The following CCDC91 variants were observed in gnomAD, a reference collection of about 807,000 sequenced individuals.
The protein encoded by CCDC91 is coiled-coil domain-containing protein 91.
Under a neutral mutation model 63.2 loss-of-function variants are expected in CCDC91, and 48 were observed. The ratio of observed to expected loss-of-function variants is 0.76; its 90% confidence interval spans 0.60 to 0.97. The LOEUF (loss-of-function observed/expected upper bound fraction) is 0.97. CCDC91 is among the 50% of genes least tolerant of loss of function. The pLI, the probability that CCDC91 is intolerant of heterozygous loss-of-function variation, is 0.00. For missense variants in CCDC91, 500 were observed against 494.6 expected (o/e 1.01, Z -0.10); for synonymous variants, 167 against 165.8 (o/e 1.01, Z -0.06).
intron 6 of CCDC91, among the ~76,000 whole-genome samples, chr12:28,346,460 T>A (rs1942816688): frequency 6.6e-6 from 1 of 152,194 alleles, no homozygotes; most frequent in African/African-American, 2.4e-5. Context: ...AAGTATAAAA[T>A]AGTGCTGGAG....
chr12:28,534,149 TG>T (rs1399246033), intron 12 of CCDC91, among the ~76,000 whole-genome samples: 1 of 152,218 alleles, frequency 6.6e-6, no homozygotes, highest in African/African-American at 2.4e-5. Context: ...GTTCTAACTA[TG>T]GTTATGCTAC....
chr12:28,538,119 G>GTT (rs34667403), intron 12 of CCDC91, among the ~76,000 whole-genome samples: 4 of 147,730 alleles, frequency 2.7e-5, no homozygotes, highest in Non-Finnish European at 4.5e-5. Context: ...TATTTTTAGG[G>GTT]TTTTTTTTTA....
chr12:28,492,301 C>A (rs1952056346), intron 12 of CCDC91, among the ~76,000 whole-genome samples: 1 of 151,442 alleles, frequency 6.6e-6, no homozygotes, highest in Admixed American at 6.6e-5. Flanking sequence ...AATAAAATAA[C>A]CAATAAAGAG....
intron 7 of CCDC91, among the ~76,000 whole-genome samples, chr12:28,390,277 C>T (rs1945850837): frequency 6.6e-6 from 1 of 151,806 alleles, no homozygotes; most frequent in Non-Finnish European, 1.5e-5. Flanking sequence ...GTATTCATAA[C>T]AGAGATTAAG....
rs189535668 is a variant in CCDC91 at position 28,210,050 on chromosome 12, T to C, written c.-15+19409T>C. On this transcript the variant is annotated intron_variant, in intron 1 of 12. Transcript: ENST00000536442. Reference sequence around the variant, plus strand: ...TGACTTGTCCTAAACATCCTTCTTTTTAAACAACCAGTCATTTTTTACTTT... The same window carrying C: ...TGACTTGTCCTAAACATCCTTCTTTCTAAACAACCAGTCATTTTTTACTTT... Among the ~76,000 whole-genome samples, 166 of 152,288 alleles carry C rather than the reference T, an allele frequency of 1.1e-3. 2 individuals are homozygous for C. Among genetic ancestry groups the C allele is most frequent in the African/African-American group, 3.9e-3 (160 of 41,556 alleles).
At chr12:28,239,001 C>A (rs1945150534) in intron 1 of CCDC91, among the ~76,000 whole-genome samples, 1 of 151,826 alleles carries the variant, frequency 6.6e-6, no homozygotes, top group Non-Finnish European at 1.5e-5. Context: ...TATCTGTAAT[C>A]CCAGCTACTC....
At chr12:28,513,871 A>C (rs1212628094) in intron 12 of CCDC91, among the ~76,000 whole-genome samples, 1 of 151,816 alleles carries the variant, frequency 6.6e-6, no homozygotes, top group Non-Finnish European at 1.5e-5. Context: ...ATTGATGGGC[A>C]TTTAGGTTGA....
intron 8 of CCDC91, among the ~76,000 whole-genome samples, chr12:28,412,213 T>C (rs1726281402): frequency 6.6e-6 from 1 of 152,204 alleles, no homozygotes; most frequent in African/African-American, 2.4e-5. Context: ...TGAAATTGCC[T>C]AATATCACAT....
chr12:28,544,028 T>A (rs1284472053), intron 12 of CCDC91, among the ~76,000 whole-genome samples: 5 of 151,676 alleles, frequency 3.3e-5, no homozygotes, highest in Admixed American at 2.6e-4. Flanking sequence ...CTTCCACTCT[T>A]GTCCCGCTAC....
chr12:28,398,546 G>A (rs1946425757), intron 8 of CCDC91, among the ~76,000 whole-genome samples: 1 of 152,060 alleles, frequency 6.6e-6, no homozygotes, highest in South Asian at 2.1e-4. Flanking sequence ...AGGAATTGCT[G>A]TGTCATATGG....
chr12:28,508,978 A>G (rs1194629693), intron 12 of CCDC91, among the ~76,000 whole-genome samples: 4 of 151,990 alleles, frequency 2.6e-5, no homozygotes, highest in Non-Finnish European at 5.9e-5. Flanking sequence ...TCTGCCTTCA[A>G]TAGGCCATTC....
intron 1 of CCDC91, among the ~76,000 whole-genome samples, chr12:28,212,343 T>C (rs1943288077): frequency 6.6e-6 from 1 of 152,136 alleles, no homozygotes; most frequent in Non-Finnish European, 1.5e-5. Flanking sequence ...TGGTGGAAGA[T>C]TTATAGACAA....
intron 8 of CCDC91, among the ~76,000 whole-genome samples, chr12:28,404,473 A>G (rs1301053225): frequency 3.3e-5 from 5 of 152,040 alleles, no homozygotes; most frequent in Non-Finnish European, 5.9e-5. Context: ...ATATTCTGCT[A>G]TTGCTGGTTG....
intron 6 of CCDC91, among the ~76,000 whole-genome samples, chr12:28,346,495 CT>C (rs1942820095): frequency 6.6e-6 from 1 of 152,074 alleles, no homozygotes; most frequent in Non-Finnish European, 1.5e-5. Context: ...CTATATTTGT[CT>C]ATTGTCTAGA....
intron 6 of CCDC91, among the ~76,000 whole-genome samples, chr12:28,352,088 C>T (rs896904524): frequency 2.0e-5 from 3 of 151,974 alleles, no homozygotes; most frequent in African/African-American, 4.8e-5. Context: ...TATACTATAC[C>T]GTAGATTATT....
chr12:28,340,143 G>A (rs1313858361), intron 6 of CCDC91, among the ~76,000 whole-genome samples: 1 of 152,104 alleles, frequency 6.6e-6, no homozygotes, highest in African/African-American at 2.4e-5. Context: ...TTTAAAAAAT[G>A]TTTAACTCAT....
rs565179099 is a variant in CCDC91, at chr12:28,274,856, T to C, written c.109+15414T>C. On this transcript the variant is annotated intron_variant, in intron 3 of 12. Transcript: ENST00000536442. ...ATTTCCTTCTCCTGCCTGATTGCCCTGGCCAGAACTTCCAACACTATGTTG... is the reference window on the plus strand; with the variant it reads ...ATTTCCTTCTCCTGCCTGATTGCCCCGGCCAGAACTTCCAACACTATGTTG... Among the ~76,000 whole-genome samples, 8 of 152,228 alleles carry C rather than the reference T, an allele frequency of 5.3e-5. No individual in the cohort carries two copies. The South Asian group carries it at 1.7e-3, about 32-fold the overall frequency.
intron 8 of CCDC91, among the ~76,000 whole-genome samples, chr12:28,402,467 G>A (rs1293815452): frequency 7.6e-6 from 1 of 131,934 alleles, no homozygotes; most frequent in Admixed American, 8.0e-5. Flanking sequence ...TGACTTTTTT[G>A]TATATTATCC....
chr12:28,512,758 G>C (rs1406682497), intron 12 of CCDC91, among the ~76,000 whole-genome samples: 1 of 151,748 alleles, frequency 6.6e-6, no homozygotes, highest in Non-Finnish European at 1.5e-5. Flanking sequence ...GAACTAATTG[G>C]GTTGCTTGTT....
Sources: gnomAD v4.1 joint callset for allele counts (sites outside exome capture counted in the v4.1 genomes callset) on GRCh38, gnomAD v4.1.1 for gene constraint, MANE v1.5 for transcripts, NCBI Gene and HGNC (gene_info 2026-07-23, HGNC 2026-07-21) for gene names.